Variants in TSGA10IP observed in about 807,000 individuals in gnomAD.
TSGA10IP encodes the protein testis-specific protein 10-interacting protein.
A neutral mutation model predicts 63.2 loss-of-function variants in TSGA10IP; 64 were observed. The ratio of observed to expected loss-of-function variants is 1.01; its 90% confidence interval spans 0.83 to 1.25. The LOEUF is 1.25. TSGA10IP is among the 50% of genes most tolerant of loss of function. TSGA10IP has a pLI of 0.00. For missense variants in TSGA10IP, 681 were observed against 710.1 expected (o/e 0.96, Z 0.47); for synonymous variants, 316 against 298.3 (o/e 1.06, Z -0.61).
intron 1 of TSGA10IP, 56 bp downstream of exon 1, chr11:65,945,878 A>C (rs541027248): frequency 2.8e-5 from 44 of 1,588,148 alleles, no homozygotes; most frequent in Non-Finnish European, 3.7e-5. Flanking sequence ...TGGGTCAGGG[A>C]GGCCTGGGCT....
At chr11:65,953,497 C>T (rs1187132998) in intron 4 of TSGA10IP, 70 bp from the exon 5 acceptor site, 4 of 1,477,674 alleles carry the variant, frequency 2.7e-6, no homozygotes, top group Admixed American at 2.3e-5. Context: ...TTCCCTTATC[C>T]AGCCCCTGGC....
At chr11:65,947,584 A>G (rs756746881) in exon 3 of TSGA10IP, 7 of 1,613,758 alleles carry the variant, frequency 4.3e-6, no homozygotes, top group Non-Finnish European at 5.9e-6. Flanking sequence ...CAGAGGCCAC[A>G]GAGGAGGCTG....
chr11:65,947,945 T>G (rs1854872957), intron 3 of TSGA10IP, 56 bp from the exon 4 acceptor site: 2 of 1,528,952 alleles, frequency 1.3e-6, no homozygotes, highest in Admixed American at 4.2e-5. Context: ...TGGGGGGCGT[T>G]GCCTGGTGGG....
exon 5 of TSGA10IP, chr11:65,953,570 C>T (rs762936511): frequency 1.3e-6 from 2 of 1,581,968 alleles, no homozygotes; most frequent in South Asian, 1.1e-5. Context: ...ACCCAAGGAG[C>T]CTGCTGCAGG....
chr11:65,959,686 G>A (rs1367605098), intron 7 of TSGA10IP, 131 bp from the exon 8 acceptor site: 3 of 1,305,174 alleles, frequency 2.3e-6, no homozygotes, highest in South Asian at 1.6e-5. Context: ...TGAGACTCGA[G>A]AAGAGTCACT....
chr11:65,946,575 GC>G lies in TSGA10IP; in HGVS notation c.148-304del, dbSNP rs375271570. 2.3e-3 allele frequency among the ~76,000 whole-genome samples: 344 copies of G among 152,238 alleles called. 2 individuals carry two copies. Among genetic ancestry groups the G allele is most frequent in the African/African-American group, 8.0e-3 (331 of 41,538 alleles). On this transcript the variant is annotated intron_variant, in intron 1 of 7. Transcript: ENST00000532620. Reference sequence around the variant, plus strand: ...GCCTCCCAAGTAGCTAGGATTACAGGCGCAGGCCACCACACTCGGCTAATTT... The same window carrying G: ...GCCTCCCAAGTAGCTAGGATTACAGGGCAGGCCACCACACTCGGCTAATTT...
At chr11:65,948,188 A>C (rs374010133) in intron 4 of TSGA10IP, 40 bp downstream of exon 4, 102 of 1,573,946 alleles carry the variant, frequency 6.5e-5, no homozygotes, top group Non-Finnish European at 8.5e-5. Context: ...CAGAATGAGA[A>C]GTAGAGATGG....
intron 1 of TSGA10IP, among the ~76,000 whole-genome samples, chr11:65,946,326 C>CA (rs1565304831): frequency 6.6e-6 from 1 of 152,092 alleles, no homozygotes; most frequent in African/African-American, 2.4e-5. Context: ...GGGAAGGTTA[C>CA]GTGTGTTTAT....
At chr11:65,950,748 G>C (rs539468086) in intron 4 of TSGA10IP, among the ~76,000 whole-genome samples, 217 of 152,060 alleles carry the variant, frequency 1.4e-3, no homozygotes, top group South Asian at 1.7e-3. Context: ...ATTTTTAGTA[G>C]AGATGGGGTT....
intron 4 of TSGA10IP, among the ~76,000 whole-genome samples, chr11:65,952,109 C>A (rs1156673998): frequency 2.0e-5 from 3 of 152,194 alleles, no homozygotes; most frequent in Non-Finnish European, 4.4e-5. Flanking sequence ...CCGCCTTGGC[C>A]TCCCAAAGTG....
chr11:65,951,107 G>A (rs1268016321), intron 4 of TSGA10IP, among the ~76,000 whole-genome samples: 1 of 152,110 alleles, frequency 6.6e-6, no homozygotes, highest in Non-Finnish European at 1.5e-5. Flanking sequence ...TTCTGTTGAT[G>A]GAATCTTAGG....
chr11:65,945,994 A>G, intron 1 of TSGA10IP, 172 bp downstream of exon 1: 1 of 720,416 alleles, frequency 1.4e-6, no homozygotes, highest in Non-Finnish European at 2.2e-6. Context: ...CCTTGGGAGA[A>G]GCCGAGGGAT....
rs1157537084 is a variant in TSGA10IP at position 65,947,837 on chromosome 11, G to T, written c.1003+9G>T. 1.3e-6 allele frequency: 2 copies of T among 1,539,158 alleles called. No homozygotes were observed. The highest frequency in any genetic ancestry group is 1.8e-6 in the Non-Finnish European group (2 of 1,141,778). ...GAGAGACCTGGACTGTGGTGAGCGTGGGGCTCAGAGCCTGGATTCCCCCGA... is the reference window on the plus strand; with the variant it reads ...GAGAGACCTGGACTGTGGTGAGCGTTGGGCTCAGAGCCTGGATTCCCCCGA... On this transcript the variant is annotated intron_variant, in intron 3 of 7. Transcript: ENST00000532620.
intron 1 of TSGA10IP, 91 bp downstream of exon 1, chr11:65,945,913 G>T (rs1047113572): frequency 6.8e-7 from 1 of 1,466,014 alleles, no homozygotes; most frequent in African/African-American, 1.4e-5. Context: ...GAAGCCACAA[G>T]ACCTGAGCTG....
At chr11:65,953,450 C>T in intron 4 of TSGA10IP, 117 bp from the exon 5 acceptor site, 1 of 1,366,430 alleles carries the variant, frequency 7.3e-7, no homozygotes. Context: ...AGGACACTGG[C>T]TCTGGACACT....
intron 2 of TSGA10IP, 24 bp downstream of exon 2, chr11:65,947,040 G>A (rs1197075400): frequency 1.2e-6 from 2 of 1,613,276 alleles, no homozygotes; most frequent in Non-Finnish European, 1.7e-6. Flanking sequence ...GGATGGGTCA[G>A]GAGGCTGTTG....
At chr11:65,945,616 T>G in exon 1 of TSGA10IP, 3 of 1,582,312 alleles carry the variant, frequency 1.9e-6, no homozygotes, top group Non-Finnish European at 2.6e-6. Flanking sequence ...GGCTGAGGAC[T>G]GGTTGCCATA....
chr11:65,958,189 C>T lies in TSGA10IP; in HGVS notation c.1323-694C>T, dbSNP rs150505560. Among the ~76,000 whole-genome samples, 437 of 152,328 alleles carry T rather than the reference C, an allele frequency of 2.9e-3. 1 individual carries two copies. Among genetic ancestry groups the T allele is most frequent in the African/African-American group, 0.01 (421 of 41,574 alleles). ...CAAACTCTTGGGCTCAAGTGATCCACCCTCCTTGGCCTTCCAAAGTGCTGG... is the reference window on the plus strand; with the variant it reads ...CAAACTCTTGGGCTCAAGTGATCCATCCTCCTTGGCCTTCCAAAGTGCTGG... On this transcript the variant is annotated intron_variant, in intron 5 of 7. Coordinates refer to ENST00000532620, the Ensembl canonical transcript of TSGA10IP.
At chr11:65,952,978 T>G (rs1854964958) in intron 4 of TSGA10IP, among the ~76,000 whole-genome samples, 2 of 152,156 alleles carry the variant, frequency 1.3e-5, no homozygotes, top group African/African-American at 4.8e-5. Context: ...ATATGGACAT[T>G]TTAACAATAT....
Sources: gnomAD v4.1 joint callset for allele counts (sites outside exome capture counted in the v4.1 genomes callset) on GRCh38, gnomAD v4.1.1 for gene constraint, MANE v1.5 for transcripts, NCBI Gene and HGNC (gene_info 2026-07-23, HGNC 2026-07-21) for gene names.